Variants in GRID2 observed in about 807,000 individuals in gnomAD.
The protein encoded by GRID2 is glutamate receptor ionotropic, delta-2.
A neutral mutation model predicts 114.8 loss-of-function variants in GRID2; 33 were observed. The ratio of observed to expected loss-of-function variants is 0.29; its 90% CI spans 0.22 to 0.38. The LOEUF (loss-of-function observed/expected upper bound fraction) is 0.38. Ranked by LOEUF, GRID2 falls within the 10% of genes least tolerant of loss-of-function variation. GRID2 has a pLI of 1.00. For missense variants in GRID2, 1,184 were observed against 1,257.7 expected (o/e 0.94, Z 0.89); for synonymous variants, 505 against 449.9 (o/e 1.12, Z -1.55).
intron 1 of GRID2, among the ~76,000 whole-genome samples, chr4:92,474,505 A>G (rs989100217): frequency 3.9e-5 from 6 of 152,118 alleles, no homozygotes; most frequent in Admixed American, 2.0e-4. Context: ...CTTTGAAATA[A>G]TGATTTCATT....
At chr4:92,475,935 A>G (rs993174865) in intron 1 of GRID2, among the ~76,000 whole-genome samples, 2 of 151,074 alleles carry the variant, frequency 1.3e-5, no homozygotes, top group Non-Finnish European at 2.9e-5. Flanking sequence ...TATTGTAGAT[A>G]TTGCAAATGG....
intron 2 of GRID2, among the ~76,000 whole-genome samples, chr4:92,704,705 CTCTCTCTCTCTCTCTCTT>C (rs1734858042): frequency 7.1e-6 from 1 of 141,098 alleles, no homozygotes; most frequent in African/African-American, 2.9e-5. Flanking sequence ...CAATCAATCT[CTCTCTCTCTCTCTCTCTT>C]TCTCTCTCTC....
chr4:92,367,533 G>A (rs1728927740), intron 1 of GRID2, among the ~76,000 whole-genome samples: 1 of 151,932 alleles, frequency 6.6e-6, no homozygotes, highest in South Asian at 2.1e-4. Flanking sequence ...AATTGCTTTA[G>A]GTAAGAAAGA....
In GRID2 at chr4:92,971,999, G is replaced by A. The variant is rs1039670304; in HGVS notation, c.245-112996G>A. 2.6e-5 allele frequency among the ~76,000 whole-genome samples: 4 copies of A among 152,026 alleles called. No homozygotes were observed. In the East Asian group the frequency reaches 7.7e-4, roughly 29 times the overall value. On this transcript the variant is annotated intron_variant, in intron 2 of 15. Transcript: ENST00000282020. ...TTGAGAATAATGCTGCAATTAAAAGGGGGGTACTGTTTCTCTTTTATATGC... is the reference window on the plus strand; with the variant it reads ...TTGAGAATAATGCTGCAATTAAAAGAGGGGTACTGTTTCTCTTTTATATGC...
intron 1 of GRID2, among the ~76,000 whole-genome samples, chr4:92,315,667 T>A (rs1021908104): frequency 6.6e-6 from 1 of 152,024 alleles, no homozygotes; most frequent in Non-Finnish European, 1.5e-5. Flanking sequence ...GTAGCTTTGG[T>A]GAGACAAGAG....
chr4:92,715,890 T>G (rs1735519985), intron 2 of GRID2, among the ~76,000 whole-genome samples: 1 of 152,144 alleles, frequency 6.6e-6, no homozygotes, highest in Admixed American at 6.5e-5. Flanking sequence ...ATCAAACAAT[T>G]GACTTTTACT....
intron 2 of GRID2, among the ~76,000 whole-genome samples, chr4:92,624,773 A>C (rs1046047224): frequency 1.6e-4 from 25 of 151,840 alleles, no homozygotes; most frequent in African/African-American, 5.8e-4. Context: ...TTTCAAGTAC[A>C]GACTAAATAT....
At chr4:92,459,842 C>T (rs1721392278) in intron 1 of GRID2, among the ~76,000 whole-genome samples, 1 of 150,704 alleles carries the variant, frequency 6.6e-6, no homozygotes, top group Admixed American at 6.7e-5. Flanking sequence ...ATGGGTGAGT[C>T]TCATCCAGTC....
At position 92,618,829 on chromosome 4, in the gene GRID2, A is replaced by C. The variant is rs187475502; in HGVS notation, c.244+28543A>C. Among the ~76,000 whole-genome samples, 16 of 151,674 alleles carry C rather than the reference A, an allele frequency of 1.1e-4. No individual in the cohort carries two copies. The East Asian group carries it at 3.1e-3, about 30-fold the overall frequency. ...TATGGTTTTTATTTATTTTTCAGGT[A>C]ATTTATTGTCTGTGTACAGAAAGAC... On this transcript the variant is annotated intron_variant, in intron 2 of 15. Coordinates refer to ENST00000282020, the MANE Select transcript of GRID2 (RefSeq NM_001510.4).
chr4:93,255,047 T>A (rs188969431), intron 8 of GRID2, among the ~76,000 whole-genome samples: 2 of 152,296 alleles, frequency 1.3e-5, no homozygotes, highest in East Asian at 3.9e-4. Context: ...AACCTAATTA[T>A]ACAATAGTCT....
intron 4 of GRID2, among the ~76,000 whole-genome samples, chr4:93,158,372 G>A (rs190213159): frequency 1.3e-5 from 2 of 151,726 alleles, no homozygotes; most frequent in South Asian, 2.1e-4. Context: ...GCCTCCAATA[G>A]TACCATTATC....
chr4:93,034,087 T>C (rs1724692101), intron 2 of GRID2, among the ~76,000 whole-genome samples: 1 of 152,190 alleles, frequency 6.6e-6, no homozygotes, highest in Admixed American at 6.5e-5. Context: ...TCTGTCAAGC[T>C]ACCTACTGGG....
intron 1 of GRID2, among the ~76,000 whole-genome samples, chr4:92,357,459 C>A (rs1003408378): frequency 6.6e-6 from 1 of 151,714 alleles, no homozygotes; most frequent in Non-Finnish European, 1.5e-5. Flanking sequence ...GGTAGGTTAC[C>A]TGTATTTCAA....
chr4:93,079,277 C>T (rs1729638774), intron 2 of GRID2, among the ~76,000 whole-genome samples: 2 of 151,776 alleles, frequency 1.3e-5, no homozygotes, highest in Non-Finnish European at 2.9e-5. Flanking sequence ...TTGAAATTTT[C>T]CTTTATAAAC....
intron 13 of GRID2, among the ~76,000 whole-genome samples, chr4:93,533,645 C>G (rs1016985022): frequency 2.7e-5 from 4 of 150,820 alleles, no homozygotes; most frequent in Non-Finnish European, 5.9e-5. Context: ...CCACCTCGGC[C>G]TCCCAAAATG....
intron 14 of GRID2, among the ~76,000 whole-genome samples, chr4:93,654,290 C>A (rs1722820916): frequency 6.6e-6 from 1 of 152,246 alleles, no homozygotes; most frequent in Non-Finnish European, 1.5e-5. Flanking sequence ...AACTCTGGCC[C>A]CTGCTTTATT....
intron 8 of GRID2, among the ~76,000 whole-genome samples, chr4:93,257,779 C>T (rs1168830067): frequency 6.6e-6 from 1 of 150,902 alleles, no homozygotes; most frequent in African/African-American, 2.4e-5. Context: ...GTGTGAGTGC[C>T]CTACTTGGTA....
At chr4:92,355,934 C>A (rs2110191988) in intron 1 of GRID2, among the ~76,000 whole-genome samples, 1 of 151,676 alleles carries the variant, frequency 6.6e-6, no homozygotes, top group South Asian at 2.1e-4. Flanking sequence ...AAGTTGATCT[C>A]CATGTGCAGA....
chr4:92,678,890 T>C (rs944891022), intron 2 of GRID2, among the ~76,000 whole-genome samples: 1 of 151,858 alleles, frequency 6.6e-6, no homozygotes, highest in African/African-American at 2.4e-5. Flanking sequence ...GATTATAGAA[T>C]AAGAATCATT....
Sources: gnomAD v4.1 joint callset for allele counts (sites outside exome capture counted in the v4.1 genomes callset) on GRCh38, gnomAD v4.1.1 for gene constraint, MANE v1.5 for transcripts, NCBI Gene and HGNC (gene_info 2026-07-23, HGNC 2026-07-21) for gene names.